IK: variants seen among roughly 807,000 people sequenced by gnomAD.
The protein encoded by IK is IK cytokine, also known as protein Red.
IK carries 47 observed loss-of-function variants against 90.9 expected under a neutral mutation model. The observed-to-expected ratio is 0.52, with a 90% confidence interval of 0.41 to 0.66. The LOEUF is 0.66. IK is among the 30% of genes least tolerant of loss of function. The probability of loss-of-function intolerance (pLI) is 0.00; values close to 1 mark genes in which losing one functional copy is unlikely to be tolerated. For missense variants in IK, 385 were observed against 709.3 expected (o/e 0.54, Z 5.19); for synonymous variants, 201 against 227.5 (o/e 0.88, Z 1.05).
chr5:140,652,255 T>C (rs1757626877), intron 4 of IK, 108 bp downstream of exon 4: 1 of 832,538 alleles, frequency 1.2e-6, no homozygotes, highest in East Asian at 2.5e-5. Flanking sequence ...TGAGGCTCTC[T>C]ACTTTCTTAA....
chr5:140,652,911 A>AACAGTT (rs919468837), intron 4 of IK, 66 bp from the exon 5 acceptor site: 3 of 1,486,678 alleles, frequency 2.0e-6, no homozygotes, highest in Non-Finnish European at 2.8e-6. Context: ...AGCAAGCAGG[A>AACAGTT]ACAGTTCTGT....
In IK at chr5:140,652,145, A is replaced by G. The variant is rs1471104269; in HGVS notation, c.234A>G (p.Lys78=). The change falls in exon 4 of 20, where the codon AAA becomes AAG. Residue 78 remains lysine, a splice_region_variant and synonymous_variant. Coordinates refer to ENST00000417647, the MANE Select transcript of IK (RefSeq NM_006083.4). ...EDPAARRRKK[K]SYYAKLRQQE... ...CAGCTGCACGAAGGAGGAAAAAGAA[A>G]AGGTGAAGGAAGGGTGAAGGGTTTT... is the stretch of plus-strand genomic sequence containing the variant. 6.2e-7 allele frequency: 1 copy of G among 1,611,340 alleles called. No individual in the cohort carries two copies. The highest frequency in any genetic ancestry group is 8.5e-7 in the Non-Finnish European group (1 of 1,177,602).
At chr5:140,653,840 T>C in intron 5 of IK, 98 bp from the exon 6 acceptor site, 1 of 695,272 alleles carries the variant, frequency 1.4e-6, no homozygotes. Context: ...CCTGACCTTG[T>C]GATCTGTCCG....
At chr5:140,656,511 T>TTGGTTTCCGCACTTCCACTC (rs930115480) in intron 9 of IK, among the ~76,000 whole-genome samples, 1 of 143,910 alleles carries the variant, frequency 6.9e-6, no homozygotes, top group African/African-American at 2.5e-5. Flanking sequence ...AGGCTTCTAA[T>TTGGTTTCCGCACTTCCACTC]TGGTTTCCGC....
intron 5 of IK, 52 bp downstream of exon 5, chr5:140,653,196 A>AAATACAAT: frequency 6.6e-7 from 1 of 1,504,732 alleles, no homozygotes; most frequent in Non-Finnish European, 9.2e-7. Flanking sequence ...AGAGTCATGC[A>AAATACAAT]AATACAATGT....
intron 1 of IK, 96 bp from the exon 2 acceptor site, chr5:140,648,375 C>G (rs1204280393): frequency 9.2e-7 from 1 of 1,089,316 alleles, no homozygotes; most frequent in Non-Finnish European, 1.4e-6. Flanking sequence ...GCTGTTCTAA[C>G]TTTTGTTCTG....
At chr5:140,660,639 T>A in intron 15 of IK, 119 bp from the exon 16 acceptor site, 1 of 718,680 alleles carries the variant, frequency 1.4e-6, no homozygotes. Context: ...TATTAGGCTC[T>A]AAGTGGGAGG....
At chr5:140,656,959 C>T (rs1348138348) in intron 9 of IK, among the ~76,000 whole-genome samples, 4 of 152,080 alleles carry the variant, frequency 2.6e-5, no homozygotes, top group African/African-American at 7.2e-5. Flanking sequence ...ACCTGTAATC[C>T]CAGCACTTTG....
Position 140,661,566 on chromosome 5 carries a change from C to T in IK, c.1414-54C>T. The T allele has an allele frequency of 1.6e-6, 2 of 1,261,010 alleles. No individual in the cohort carries two copies. Among genetic ancestry groups the T allele is most frequent in the South Asian group, 2.6e-5 (2 of 76,434 alleles). 78.1% of individuals were successfully genotyped at this position (1,261,010 alleles called of 1,614,324 possible). ...CTGGCTTCAATCAAGGGCTGAAATT[C>T]CATTTCCACTGACATCTCTTCCTTC... On this transcript the variant is annotated intron_variant, in intron 16 of 19. Coordinates refer to ENST00000417647, the MANE Select transcript of IK (RefSeq NM_006083.4). The surrounding 1 kb of genome is among the most constrained non-coding windows in gnomAD (Gnocchi z 4.2).
chr5:140,652,788 A>G (rs1434998655), intron 4 of IK, among the ~76,000 whole-genome samples, 189 bp from the exon 5 acceptor site: 3 of 152,300 alleles, frequency 2.0e-5, no homozygotes, highest in African/African-American at 7.2e-5. Flanking sequence ...GTATATCTAT[A>G]AGCTGGAAGA....
At chr5:140,653,811 A>G (rs983165131) in intron 5 of IK, 127 bp from the exon 6 acceptor site, 2 of 596,568 alleles carry the variant, frequency 3.4e-6, no homozygotes, top group Non-Finnish European at 6.1e-6. Flanking sequence ...CACCATATCC[A>G]CCAGGCTGGT....
chr5:140,651,996 C>G (rs1757623647), intron 3 of IK, 92 bp from the exon 4 acceptor site: 1 of 998,846 alleles, frequency 1.0e-6, no homozygotes, highest in African/African-American at 1.6e-5. Context: ...GATCAGTATT[C>G]TAGGTCTTTC....
At chr5:140,653,588 A>G (rs1326445968) in intron 5 of IK, among the ~76,000 whole-genome samples, 1 of 62,466 alleles carries the variant, frequency 1.6e-5, no homozygotes, top group Non-Finnish European at 3.1e-5. Context: ...TGGCCCCCCA[A>G]CCCCCTTTCC....
At position 140,654,182 on chromosome 5, in the gene IK, G is replaced by A. The variant is rs1757667855; in HGVS notation, c.519+130G>A. ...AAGAAGGGCTAAAGATGGCCCCTCT[G>A]AAAAGCTGATTGCTACTCATCCTTC... is the stretch of plus-strand genomic sequence containing the variant. On this transcript the variant is annotated intron_variant, in intron 6 of 19. Transcript: ENST00000417647. The A allele has an allele frequency of 4.6e-6, 3 of 647,312 alleles. No homozygotes were observed. The Admixed American group carries it at 8.5e-5, about 18-fold the overall frequency. The allele number at this position is 647,312 out of a possible 1,614,324, so 40.1% of individuals were successfully genotyped here.
intron 10 of IK, 65 bp from the exon 11 acceptor site, chr5:140,658,672 G>A (rs1240830347): frequency 3.1e-6 from 4 of 1,284,558 alleles, no homozygotes; most frequent in Admixed American, 1.9e-5. Flanking sequence ...GAGCTGGAGA[G>A]GATGGTGAAG....
At position 140,658,775 on chromosome 5, in the gene IK, A is replaced by C; in HGVS notation, c.949A>C (p.Asn317His). Residue 317 changes from asparagine to histidine, a missense_variant and splice_region_variant, in exon 11 of 20, where the codon AAT becomes CAT. Physicochemically the swap from Asn to His is moderately conservative, Grantham distance 68 (BLOSUM62 1). Around this residue, in one of 8 missense-constraint regions of IK, gnomAD observed 139 missense variants for 172.0 expected, o/e 0.81. Coordinates refer to ENST00000417647, the MANE Select transcript of IK (RefSeq NM_006083.4). ...GAAGAAACCTCCTGAGGCTGACATG[A>C]AGTATGTATCCTAGCCCCTGGCATC... is the stretch of plus-strand genomic sequence containing the variant. ...EEKKPPEADM[N>H]IFEDIGDYVP... The C allele has an allele frequency of 6.2e-7, 1 of 1,611,486 alleles. No individual in the cohort carries two copies. Among genetic ancestry groups the C allele is most frequent in the Non-Finnish European group, 8.5e-7 (1 of 1,178,504 alleles).
intron 4 of IK, among the ~76,000 whole-genome samples, chr5:140,652,504 A>C (rs1365356449): frequency 6.6e-6 from 1 of 152,208 alleles, no homozygotes; most frequent in Non-Finnish European, 1.5e-5. Context: ...TAACCACCCA[A>C]TAAATCTTGA....
chr5:140,649,614 C>T (rs1160837087), intron 2 of IK, among the ~76,000 whole-genome samples: 2 of 152,214 alleles, frequency 1.3e-5, no homozygotes, highest in Non-Finnish European at 2.9e-5. Flanking sequence ...CTGCTCACAG[C>T]AACCTTTGCC....
At chr5:140,657,021 G>GC (rs1359395982) in intron 9 of IK, among the ~76,000 whole-genome samples, 5 of 152,060 alleles carry the variant, frequency 3.3e-5, no homozygotes, top group Non-Finnish European at 7.4e-5. Context: ...TACCAGGTGG[G>GC]CCAACATTGT....
Sources: gnomAD v4.1 joint callset for allele counts (sites outside exome capture counted in the v4.1 genomes callset) on GRCh38, gnomAD v4.1.1 for gene constraint, gnomAD v4.1.1 regional missense constraint, Gnocchi (gnomAD v3.1) non-coding constraint, MANE v1.5 for transcripts, NCBI Gene and HGNC (gene_info 2026-07-23, HGNC 2026-07-21) for gene names.